SAMD12: variants seen among roughly 807,000 people sequenced by gnomAD.
SAMD12 encodes the protein sterile alpha motif domain-containing protein 12.
In SAMD12, 9 loss-of-function variants were observed where a neutral mutation model predicts 15.0. The observed-to-expected ratio is 0.60, with a 90% confidence interval of 0.36 to 1.05. The LOEUF is 1.05. Among genes scored for constraint, SAMD12 ranks in the 50% least tolerant of loss-of-function variants. The pLI is 0.01. For synonymous variants in SAMD12, 86 were observed against 90.1 expected (o/e 0.96, Z 0.25); for missense variants, 230 against 234.2 (o/e 0.98, Z 0.12).
chr8:118,404,130 G>A (rs1357629247), intron 3 of SAMD12, among the ~76,000 whole-genome samples: 1 of 152,152 alleles, frequency 6.6e-6, no homozygotes, highest in Non-Finnish European at 1.5e-5. Flanking sequence ...CTATGGGCAT[G>A]TGCCACAATG....
At chr8:118,496,640 C>G (rs987720691) in intron 2 of SAMD12, among the ~76,000 whole-genome samples, 1 of 152,064 alleles carries the variant, frequency 6.6e-6, no homozygotes, top group African/African-American at 2.4e-5. Context: ...CTAGAAAACA[C>G]CATTCTGGAC....
At chr8:118,549,603 A>C (rs895055406) in intron 2 of SAMD12, among the ~76,000 whole-genome samples, 12 of 152,366 alleles carry the variant, frequency 7.9e-5, no homozygotes, top group Admixed American at 2.0e-4. Context: ...GAAAAACTGG[A>C]AACTCTAAAA....
intron 4 of SAMD12, among the ~76,000 whole-genome samples, chr8:118,305,200 G>A (rs1251582880): frequency 1.5e-5 from 2 of 137,828 alleles, no homozygotes; most frequent in African/African-American, 5.4e-5. Context: ...CATTAAGTAC[G>A]TTCACAGTGT....
intron 4 of SAMD12, among the ~76,000 whole-genome samples, chr8:118,200,997 A>G (rs1819699991): frequency 6.6e-6 from 1 of 152,100 alleles, no homozygotes; most frequent in Non-Finnish European, 1.5e-5. Context: ...ACACACCTGG[A>G]CCCTTGAACC....
chr8:118,347,233 T>C (rs1289099628), intron 4 of SAMD12, among the ~76,000 whole-genome samples: 1 of 152,206 alleles, frequency 6.6e-6, no homozygotes, highest in Non-Finnish European at 1.5e-5. Context: ...CCAGTCTCAG[T>C]GTCCAAGGTT....
At chr8:118,449,939 C>T (rs934400856) in intron 2 of SAMD12, among the ~76,000 whole-genome samples, 2 of 152,056 alleles carry the variant, frequency 1.3e-5, no homozygotes, top group African/African-American at 2.4e-5. Flanking sequence ...TGCAATGACA[C>T]GGTATCACCT....
chr8:118,190,254 T>C (rs1014674495), exon 5 of SAMD12: 7 of 152,186 alleles, frequency 4.6e-5, no homozygotes, highest in African/African-American at 1.4e-4. Context: ...TCACATTGTG[T>C]AATTTTTCTT....
intron 4 of SAMD12, among the ~76,000 whole-genome samples, chr8:118,255,590 T>C (rs1812919102): frequency 6.9e-6 from 1 of 145,628 alleles, no homozygotes; most frequent in South Asian, 2.2e-4. Context: ...CACCTATGAG[T>C]GAGAACATGT....
chr8:118,168,009 T>G, the SAMD12 span, among the ~76,000 whole-genome samples: 1 of 151,942 alleles, frequency 6.6e-6, no homozygotes, highest in African/African-American at 2.4e-5. Context: ...CAGTGGGAGG[T>G]AATTGAATCA....
intron 3 of SAMD12, among the ~76,000 whole-genome samples, chr8:118,380,624 C>T (rs1819622468): frequency 6.6e-6 from 1 of 152,216 alleles, no homozygotes; most frequent in Non-Finnish European, 1.5e-5. Context: ...CCACCCACTA[C>T]TCTTCTCCGA....
chr8:118,347,931 G>A (rs533301801), intron 4 of SAMD12, among the ~76,000 whole-genome samples: 8 of 152,328 alleles, frequency 5.3e-5, no homozygotes, highest in African/African-American at 1.9e-4. Flanking sequence ...CACTGAATCT[G>A]ACTGCCGGGG....
chr8:118,147,327 C>T, the SAMD12 span, among the ~76,000 whole-genome samples: 10 of 151,210 alleles, frequency 6.6e-5, no homozygotes, highest in Admixed American at 6.6e-4. Flanking sequence ...ACCCAGCCAG[C>T]AGGAACTATT....
At chr8:118,349,143 C>G (rs980948893) in intron 4 of SAMD12, among the ~76,000 whole-genome samples, 5 of 152,162 alleles carry the variant, frequency 3.3e-5, no homozygotes, top group African/African-American at 1.2e-4. Context: ...GAAAAAAGAA[C>G]AGGGAAAGAT....
chr8:118,461,759 A>C, intron 2 of SAMD12, among the ~76,000 whole-genome samples: 1 of 152,360 alleles, frequency 6.6e-6, no homozygotes, highest in Middle Eastern at 3.4e-3. Flanking sequence ...AAAGAAAAAC[A>C]ATCATTGAGT....
chr8:118,544,987 T>A (rs1826082898), intron 2 of SAMD12, among the ~76,000 whole-genome samples: 1 of 152,204 alleles, frequency 6.6e-6, no homozygotes, highest in Non-Finnish European at 1.5e-5. Flanking sequence ...ATGAGATCAC[T>A]GGTTTTCAAA....
chr8:118,145,943 C>T, the SAMD12 span, among the ~76,000 whole-genome samples: 1 of 152,216 alleles, frequency 6.6e-6, no homozygotes, highest in South Asian at 2.1e-4. Context: ...GCTAACTGCA[C>T]TCCTTGCAGC....
Position 118,379,075 on chromosome 8 carries a change from G to A in SAMD12, c.*342C>T. The A allele has an allele frequency of 9.5e-7, 1 of 1,050,794 alleles. No homozygotes were observed. Among genetic ancestry groups the A allele is most frequent in the Non-Finnish European group, 1.2e-6 (1 of 868,964 alleles). 65.1% of individuals were successfully genotyped at this position (1,050,794 alleles called of 1,614,324 possible). ...AAATGTTTTTCTCCCACTAACCGGT[G>A]AAAAGCAAAACAAAAATACAACAAA... On this transcript the variant is annotated 3_prime_UTR_variant, in exon 4 of 4. Transcript: ENST00000314727.
intron 4 of SAMD12, among the ~76,000 whole-genome samples, chr8:118,230,285 G>T (rs187329666): frequency 6.6e-6 from 1 of 152,254 alleles, no homozygotes; most frequent in East Asian, 1.9e-4. Context: ...AGGCTAAATG[G>T]CTTGCCCAAG....
the SAMD12 span, among the ~76,000 whole-genome samples, chr8:118,143,441 C>G: frequency 2.6e-5 from 4 of 152,142 alleles, no homozygotes; most frequent in Non-Finnish European, 5.9e-5. Flanking sequence ...ATCATGCACT[C>G]AATTAGTGTC....
Sources: allele counts gnomAD v4.1 joint callset (sites outside exome capture counted in the v4.1 genomes callset), GRCh38; gene constraint gnomAD v4.1.1; transcripts MANE v1.5; gene names NCBI Gene and HGNC (gene_info 2026-07-23, HGNC 2026-07-21).